The following DSE variants were observed in gnomAD, a reference collection of about 807,000 sequenced individuals.
DSE encodes dermatan sulfate epimerase, also known as dermatan-sulfate epimerase.
Under a neutral mutation model 84.4 loss-of-function variants are expected in DSE, and 36 were observed. The observed-to-expected ratio is 0.43, with a 90% CI of 0.33 to 0.56. DSE has a LOEUF of 0.56. DSE is among the 20% of genes least tolerant of loss of function. The pLI is 0.06. For missense variants in DSE, 862 were observed against 1,169.6 expected, an observed-to-expected ratio of 0.74 and a Z score of 3.84; for synonymous variants, 410 against 430.1, an observed-to-expected ratio of 0.95 and a Z score of 0.58.
At chr6:116,421,787 TAGAA>T (rs1414778335) in intron 2 of DSE, among the ~76,000 whole-genome samples, 1 of 152,028 alleles carries the variant, frequency 6.6e-6, no homozygotes, top group Admixed American at 6.6e-5. Context: ...AAACAAAAAA[TAGAA>T]GGAAGGTGTT....
At chr6:116,401,953 C>T (rs1411313594) in intron 2 of DSE, among the ~76,000 whole-genome samples, 1 of 151,360 alleles carries the variant, frequency 6.6e-6, no homozygotes, top group African/African-American at 2.4e-5. Context: ...ACAATAGCTT[C>T]ATCAGGCTGA....
chr6:116,359,923 C>G (rs1344102772), intron 2 of DSE, among the ~76,000 whole-genome samples: 1 of 152,134 alleles, frequency 6.6e-6, no homozygotes, highest in Non-Finnish European at 1.5e-5. Flanking sequence ...CCAAAGAAAG[C>G]ACAGTTCATA....
Position 116,406,185 on chromosome 6 carries a change from G to T in DSE, c.416+6519G>T, listed in dbSNP as rs74917216. Among the ~76,000 whole-genome samples, 542 of 152,286 alleles carry T rather than the reference G, an allele frequency of 3.6e-3. 3 individuals carry two copies. The highest frequency in any genetic ancestry group is 0.012 in the African/African-American group (510 of 41,544). ...TGCTCGCCTACCTCCCGCCCTTTCA[G>T]TGTCATTTGATACCTTTTTAAATGC... On this transcript the variant is annotated intron_variant, in intron 2 of 5. Transcript: ENST00000644252.
At chr6:116,333,829 T>G (rs912009106) in intron 2 of DSE, among the ~76,000 whole-genome samples, 1 of 152,206 alleles carries the variant, frequency 6.6e-6, no homozygotes, top group African/African-American at 2.4e-5. Context: ...TTACATTACT[T>G]GATGCCTTTT....
intron 2 of DSE, among the ~76,000 whole-genome samples, chr6:116,337,857 G>A (rs1416617847): frequency 2.0e-5 from 3 of 151,954 alleles, no homozygotes; most frequent in Admixed American, 2.0e-4. Flanking sequence ...TTAAAAAATG[G>A]CACTGATGAC....
Position 116,409,744 on chromosome 6 carries a change from G to A in DSE, c.416+10078G>A, listed in dbSNP as rs898858652. ...TATTAATACTAGTAGTGGGATAAGT[G>A]CTGTGACTGGGAAACTACAGTGTGT... On this transcript the variant is annotated intron_variant, in intron 2 of 5. Coordinates refer to ENST00000644252, the MANE Select transcript of DSE (RefSeq NM_013352.4). Among the ~76,000 whole-genome samples the A allele has an allele frequency of 3.3e-5, 5 of 152,294 alleles. No homozygotes were observed. The East Asian group carries it at 9.6e-4, about 29-fold the overall frequency.
At chr6:116,308,324 A>G (rs1307047098) in intron 2 of DSE, among the ~76,000 whole-genome samples, 7 of 152,208 alleles carry the variant, frequency 4.6e-5, no homozygotes, top group Non-Finnish European at 7.3e-5. Context: ...CTCGGCTTCA[A>G]TCTTGTAAGA....
intron 1 of DSE, among the ~76,000 whole-genome samples, chr6:116,396,376 G>A (rs551960912): frequency 6.6e-6 from 1 of 152,324 alleles, no homozygotes; most frequent in East Asian, 1.9e-4. Flanking sequence ...TGAGCACACT[G>A]AGTGGGGCAT....
chr6:116,432,689 T>G (rs957674849), intron 4 of DSE: 12 of 152,256 alleles, frequency 7.9e-5, no homozygotes, highest in East Asian at 5.8e-4. Flanking sequence ...TCTTGCTGCT[T>G]CTTTTTTCAT....
intron 2 of DSE, among the ~76,000 whole-genome samples, chr6:116,319,482 A>G (rs1376145646): frequency 1.3e-5 from 2 of 152,238 alleles, no homozygotes; most frequent in South Asian, 2.1e-4. Flanking sequence ...CTCTGCTTAC[A>G]TTCCATTGAC....
intron 5 of DSE, among the ~76,000 whole-genome samples, chr6:116,434,976 A>G (rs904483190): frequency 2.6e-5 from 4 of 152,238 alleles, no homozygotes; most frequent in Non-Finnish European, 5.9e-5. Context: ...AGTAGTAGGC[A>G]CAATTATAAA....
chr6:116,389,495 A>T (rs1780761465), intron 1 of DSE, among the ~76,000 whole-genome samples: 1 of 152,172 alleles, frequency 6.6e-6, no homozygotes, highest in Non-Finnish European at 1.5e-5. Context: ...AGGTTTAGAT[A>T]GCTTGTCCAA....
chr6:116,416,189 G>T (rs1782696061), intron 2 of DSE, among the ~76,000 whole-genome samples: 1 of 152,166 alleles, frequency 6.6e-6, no homozygotes, highest in South Asian at 2.1e-4. Context: ...GGACCCGTGT[G>T]ACTAGATTGG....
In DSE at chr6:116,435,742, G is replaced by A. The variant is rs1299408349; in HGVS notation, c.1274G>A (p.Arg425His). 1.4e-5 allele frequency: 23 copies of A among 1,613,906 alleles called. No homozygotes were observed. The highest frequency in any genetic ancestry group is 2.2e-5 in the East Asian group (1 of 44,890). The change falls in exon 6 of 6, where the codon CGT (arginine) becomes CAT (histidine). Residue 425 changes from arginine (R) to histidine (H), a missense_variant. By Grantham distance (29) the Arg-to-His change is conservative. Coordinates refer to ENST00000644252, the MANE Select transcript of DSE (RefSeq NM_013352.4). ...TTCAAGTCTGGAAAACTGGGGGGACGTGCAATATATGACATTGTCCACAGA... is the reference window on the plus strand; with the variant it reads ...TTCAAGTCTGGAAAACTGGGGGGACATGCAATATATGACATTGTCCACAGA... The part of the protein sequence containing the change: ...LSFKSGKLGG[R>H]AIYDIVHRNK...
intron 2 of DSE, among the ~76,000 whole-genome samples, chr6:116,318,127 AT>A (rs1184429327): frequency 6.6e-6 from 1 of 152,242 alleles, no homozygotes; most frequent in African/African-American, 2.4e-5. Context: ...ATGCTGAGGC[AT>A]TCGACATTCA....
At chr6:116,387,627 G>A (rs765965097) in intron 1 of DSE, among the ~76,000 whole-genome samples, 1 of 152,136 alleles carries the variant, frequency 6.6e-6, no homozygotes, top group Non-Finnish European at 1.5e-5. Flanking sequence ...AGACACACCT[G>A]AAGTCAAAAA....
chr6:116,289,733 T>C (rs535707289), intron 2 of DSE, among the ~76,000 whole-genome samples: 8 of 152,206 alleles, frequency 5.3e-5, no homozygotes, highest in Non-Finnish European at 1.0e-4. Flanking sequence ...TGATTCAATA[T>C]GAAAAGTTCA....
chr6:116,347,952 T>A (rs945737746), intron 2 of DSE, among the ~76,000 whole-genome samples: 1 of 151,876 alleles, frequency 6.6e-6, no homozygotes, highest in Non-Finnish European at 1.5e-5. Flanking sequence ...TTATGAGAAA[T>A]AAATCAAACA....
rs1781397462 is a variant in DSE at position 116,398,603 on chromosome 6, T to A, written c.-53-595T>A. Among the ~76,000 whole-genome samples the A allele has an allele frequency of 2.6e-5, 4 of 152,344 alleles. No homozygotes were observed. In the South Asian group the frequency reaches 8.3e-4, roughly 32 times the overall value. ...CCAGGAAATACACGGGCTTGGCAGATGTTTACATGGCCTTTGTCTTCTCTC... is the reference window on the plus strand; with the variant it reads ...CCAGGAAATACACGGGCTTGGCAGAAGTTTACATGGCCTTTGTCTTCTCTC... On this transcript the variant is annotated intron_variant, in intron 1 of 5. Transcript: ENST00000644252.
Sources: gnomAD v4.1 joint callset for allele counts (sites outside exome capture counted in the v4.1 genomes callset) on GRCh38, gnomAD v4.1.1 for gene constraint, MANE v1.5 for transcripts, NCBI Gene and HGNC (gene_info 2026-07-23, HGNC 2026-07-21) for gene names.